The following SARDH variants were observed in gnomAD, a reference collection of about 807,000 sequenced individuals.
SARDH encodes the protein sarcosine dehydrogenase, mitochondrial.
SARDH carries 95 observed loss-of-function variants against 109.1 expected under a neutral mutation model. The ratio of observed to expected loss-of-function variants is 0.87; its 90% CI spans 0.74 to 1.03. The LOEUF (loss-of-function observed/expected upper bound fraction) is 1.03. Among genes scored for constraint, SARDH ranks in the 50% least tolerant of loss-of-function variants. The pLI is 0.00. For synonymous variants in SARDH, 572 were observed against 534.8 expected, an observed-to-expected ratio of 1.07 and a Z score of -0.96; for missense variants, 1,267 against 1,287.8, an observed-to-expected ratio of 0.98 and a Z score of 0.25.
At chr9:133,727,139 C>A (rs917429475) in intron 6 of SARDH, among the ~76,000 whole-genome samples, 2 of 152,186 alleles carry the variant, frequency 1.3e-5, no homozygotes, top group Non-Finnish European at 2.9e-5. Flanking sequence ...AGCGCCCGAG[C>A]CACCTGCTTT....
Position 133,666,058 on chromosome 9 carries a change from C to T in SARDH, c.2631+677G>A, listed in dbSNP as rs1564224049. The stretch of plus-strand genomic sequence containing the variant: ...AGGCTGCCCACCCCCTGCCCCACCA[C>T]CCCTGGCCACCCAGAGCTGTCCTGG... On this transcript the variant is annotated intron_variant, in intron 20 of 20. Transcript: ENST00000439388. This position sits in a 1 kb window ranked among gnomAD's most constrained non-coding sequence, Gnocchi z 5.2. Among the ~76,000 whole-genome samples, 1 of 152,242 alleles carries T rather than the reference C, an allele frequency of 6.6e-6. No individual in the cohort carries two copies.
At chr9:133,661,924 C>T (rs919151247), downstream of SARDH, among the ~76,000 whole-genome samples, 1 of 152,174 alleles carries the variant, frequency 6.6e-6, no homozygotes, top group African/African-American at 2.4e-5. Context: ...GTCTGGAAGA[C>T]CTGGCTCGGG....
At position 133,712,713 on chromosome 9, in the gene SARDH, G is replaced by T. The variant is rs1259843220; in HGVS notation, c.1238-4C>A. 32 of 1,607,474 alleles carry T rather than the reference G, an allele frequency of 2.0e-5. No individual in the cohort carries two copies. The highest frequency in any genetic ancestry group is 2.6e-5 in the Non-Finnish European group (31 of 1,179,786). On this transcript the variant is annotated splice_polypyrimidine_tract_variant and splice_region_variant and intron_variant, in intron 9 of 20. Transcript: ENST00000439388. The surrounding 1 kb of genome is among the most constrained non-coding windows in gnomAD (Gnocchi z 4.1). ...CAGCCACCACCCAGCATCATTCCTG[G>T]CAGGAAGAGAAGCGCAGGGCTGCGG...
chr9:133,712,968 C>T lies in SARDH; in HGVS notation c.1237+70G>A, dbSNP rs1393005089. 2 of 1,466,480 alleles carry T rather than the reference C, an allele frequency of 1.4e-6. No homozygotes were observed. Among genetic ancestry groups the T allele is most frequent in the Non-Finnish European group, 1.9e-6 (2 of 1,071,144 alleles). The allele number at this position is 1,466,480 out of a possible 1,614,324, so 90.8% of individuals were successfully genotyped here. A position where few individuals can be genotyped will look rare whatever the true frequency, so the allele number is the denominator to read the frequency against. Reference sequence around the variant, plus strand: ...GGGGGCCACGGTGCTCCTGCGCCCGCCTCCCCCAGAGCTCTGGGAATGACA... The same window carrying T: ...GGGGGCCACGGTGCTCCTGCGCCCGTCTCCCCCAGAGCTCTGGGAATGACA... On this transcript the variant is annotated intron_variant, in intron 9 of 20. Transcript: ENST00000439388. This position sits in a 1 kb window ranked among gnomAD's most constrained non-coding sequence, Gnocchi z 4.1.
chr9:133,733,411 C>T (rs1013317932), intron 2 of SARDH, among the ~76,000 whole-genome samples: 7 of 152,166 alleles, frequency 4.6e-5, no homozygotes, highest in African/African-American at 1.7e-4. Flanking sequence ...AATATATGCC[C>T]CCTGGTTAGT....
intron 10 of SARDH, among the ~76,000 whole-genome samples, chr9:133,711,087 G>C (rs758447198): frequency 1.1e-4 from 16 of 152,260 alleles, no homozygotes; most frequent in Non-Finnish European, 2.2e-4. Context: ...AGCTGACCGA[G>C]GGAGGCCCAG....
chr9:133,708,141 C>T (rs570274871), intron 11 of SARDH, 146 bp downstream of exon 11: 18 of 911,500 alleles, frequency 2.0e-5, no homozygotes, highest in Middle Eastern at 3.3e-4. Flanking sequence ...ATGGGGGTGC[C>T]GGGTTACTAC....
Position 133,719,634 on chromosome 9 carries a change from A to AC in SARDH, c.916-593dup, listed in dbSNP as rs1241370779. On this transcript the variant is annotated intron_variant, in intron 6 of 20. Coordinates refer to ENST00000439388, the MANE Select transcript of SARDH (RefSeq NM_001134707.2). The stretch of plus-strand genomic sequence containing the variant: ...GGGGAGAGTGGACTGCCATCCCCCC[A>AC]CCCCCCCACCCCAGGAGCAGATTGG... Among the ~76,000 whole-genome samples the AC allele has an allele frequency of 3.8e-4, 27 of 71,028 alleles. No homozygotes were observed. The South Asian group carries it at 6.8e-3, about 18-fold the overall frequency. The allele number at this position is 71,028 out of a possible 152,430, so 46.6% of individuals were successfully genotyped here. A position where few individuals can be genotyped will look rare whatever the true frequency, so the allele number is the denominator to read the frequency against.
intron 10 of SARDH, among the ~76,000 whole-genome samples, chr9:133,711,582 G>C (rs13285421): frequency 0.26 from 38,798 of 152,122 alleles, 5,743 homozygotes; most frequent in East Asian, 0.32. Flanking sequence ...GGGCCTCAGT[G>C]TCACTGTCTC....
chr9:133,689,774 C>A (rs1831026907), intron 16 of SARDH, among the ~76,000 whole-genome samples: 1 of 152,124 alleles, frequency 6.6e-6, no homozygotes, highest in Non-Finnish European at 1.5e-5. Flanking sequence ...GAAGCACAGT[C>A]AGAGGGGTCT....
chr9:133,679,665 G>A (rs550572621), intron 17 of SARDH, among the ~76,000 whole-genome samples: 46 of 152,320 alleles, frequency 3.0e-4, no homozygotes, highest in South Asian at 2.7e-3. Context: ...CTGGTCTGCT[G>A]GCTGCTGAGC....
At chr9:133,732,336 A>G in intron 3 of SARDH, 87 bp downstream of exon 3, 1 of 413,988 alleles carries the variant, frequency 2.4e-6, no homozygotes, top group Non-Finnish European at 3.8e-6. Context: ...ACCCCCCCAC[A>G]GGGGGTGCAC....
At chr9:133,691,850 G>A (rs889895166) in intron 15 of SARDH, among the ~76,000 whole-genome samples, 7 of 152,138 alleles carry the variant, frequency 4.6e-5, no homozygotes. Context: ...GTTGAGTGGT[G>A]TCCCCAGGAC....
chr9:133,704,962 G>C lies in SARDH; in HGVS notation c.1540C>G (p.Arg514Gly), dbSNP rs140559739. 6.3e-7 allele frequency: 1 copy of C among 1,579,968 alleles called. No individual in the cohort carries two copies. Among genetic ancestry groups the C allele is most frequent in the East Asian group, 2.3e-5 (1 of 43,566 alleles). The part of the protein sequence containing the change: ...GWERPGWFHP[R>G]GPAPVLEYDY... ...GCACTACTCACCGGAGCTGGGCCTC[G>C]GGGATGAAACCATCCCGGTCGCTCC... Residue 514 changes from arginine (R) to glycine (G), a missense_variant, in exon 12 of 21, where the codon CGA (arginine) becomes GGA (glycine). Arg to Gly is a moderately radical substitution (Grantham distance 125). Transcript: ENST00000439388. The surrounding 1 kb of genome is among the most constrained non-coding windows in gnomAD (Gnocchi z 4.5).
At chr9:133,737,670 G>A (rs1832930253) in intron 1 of SARDH, among the ~76,000 whole-genome samples, 1 of 152,228 alleles carries the variant, frequency 6.6e-6, no homozygotes, top group African/African-American at 2.4e-5. Flanking sequence ...GCCGGAGGCT[G>A]CCACGTGCCC....
rs377541513 is a variant in SARDH at position 133,674,407 on chromosome 9, A to G, written c.2164-2710T>C. On this transcript the variant is annotated intron_variant, in intron 17 of 20. Coordinates refer to ENST00000439388, the MANE Select transcript of SARDH (RefSeq NM_001134707.2). ...GACTCAGGTGGGCTCTGAAAGCCCC[A>G]AATTGCAAGATGGAACTCCTGGCCG... 3.1e-4 allele frequency among the ~76,000 whole-genome samples: 47 copies of G among 152,350 alleles called. No individual in the cohort carries two copies. The South Asian group carries it at 7.0e-3, about 23-fold the overall frequency.
rs143291602 is a variant in SARDH, at chr9:133,702,948, A to G, written c.1636T>C (p.Tyr546His). Reference sequence around the variant, plus strand: ...TGGTGGGGCGGGAAGGCGAAGGTGTACTCGTCTGCCAGCAGCCTGCGGTAG... The same window carrying G: ...TGGTGGGGCGGGAAGGCGAAGGTGTGCTCGTCTGCCAGCAGCCTGCGGTAG... ...YAYRRLLADE[Y>H]TFAFPPHHDT... The change falls in exon 13 of 21, where the codon TAC becomes CAC. Residue 546 changes from tyrosine to histidine, a missense_variant. Transcript: ENST00000439388. The G allele has an allele frequency of 1.2e-6, 2 of 1,612,434 alleles. No homozygotes were observed. The highest frequency in any genetic ancestry group is 1.7e-6 in the Non-Finnish European group (2 of 1,179,698).
chr9:133,721,071 C>A (rs890382815), intron 6 of SARDH, among the ~76,000 whole-genome samples: 1 of 152,130 alleles, frequency 6.6e-6, no homozygotes, highest in Admixed American at 6.5e-5. Context: ...TACAGCGGTT[C>A]CAGAAAGAGA....
At chr9:133,698,970 A>G (rs1831384366) in intron 13 of SARDH, among the ~76,000 whole-genome samples, 1 of 152,242 alleles carries the variant, frequency 6.6e-6, no homozygotes, top group African/African-American at 2.4e-5. Context: ...GAGAGATGAC[A>G]ACCACAGGAT....
Sources: allele counts gnomAD v4.1 joint callset (sites outside exome capture counted in the v4.1 genomes callset), GRCh38; gene constraint gnomAD v4.1.1; non-coding constraint Gnocchi (gnomAD v3.1); transcripts MANE v1.5; gene names NCBI Gene and HGNC (gene_info 2026-07-23, HGNC 2026-07-21).